TMLHE: variants seen among roughly 807,000 people sequenced by gnomAD.
TMLHE encodes trimethyllysine dioxygenase, mitochondrial.
TMLHE carries 18 observed loss-of-function variants against 25.7 expected under a neutral mutation model. The ratio of observed to expected loss-of-function variants is 0.70; its 90% CI spans 0.48 to 1.04. The LOEUF (loss-of-function observed/expected upper bound fraction) is 1.04. Ranked by LOEUF, TMLHE falls within the 50% of genes least tolerant of loss-of-function variation. TMLHE has a pLI of 0.00. For missense variants in TMLHE, 236 were observed against 259.0 expected, an observed-to-expected ratio of 0.91 and a Z score of 0.61; for synonymous variants, 105 against 97.0, an observed-to-expected ratio of 1.08 and a Z score of -0.49.
intron 1 of TMLHE, among the ~76,000 whole-genome samples, chrX:155,549,339 T>G (rs2067395086): frequency 9.0e-6 from 1 of 110,864 alleles, no homozygotes; most frequent in African/African-American, 3.3e-5. Flanking sequence ...AGTATGTTGT[T>G]AGCCATGTTT....
chrX:155,507,825 T>C (rs1330656312), intron 5 of TMLHE, among the ~76,000 whole-genome samples: 1 of 111,291 alleles, frequency 9.0e-6, no homozygotes, highest in African/African-American at 3.3e-5. Context: ...GAACATGGAC[T>C]GGTGAGAAGC....
chrX:155,550,934 CAAAAG>C (rs2067410868), intron 1 of TMLHE, among the ~76,000 whole-genome samples: 2 of 110,207 alleles, frequency 1.8e-5, no homozygotes, highest in African/African-American at 6.7e-5. Flanking sequence ...TTTTTAACCC[CAAAAG>C]AAAAGAAAAA....
chrX:155,548,535 G>GAGTTCAAGA (rs1491301815), intron 1 of TMLHE, among the ~76,000 whole-genome samples: 8 of 109,143 alleles, frequency 7.3e-5, no homozygotes, highest in African/African-American at 1.0e-4. Flanking sequence ...GCAGTATGAG[G>GAGTTCAAGA]CCAGCCTGAC....
intron 1 of TMLHE, among the ~76,000 whole-genome samples, chrX:155,548,539 G>A (rs372805336): frequency 8.4e-5 from 9 of 107,146 alleles, no homozygotes; most frequent in East Asian, 2.9e-4. Context: ...TATGAGGCCA[G>A]CCTGACTAAC....
intron 1 of TMLHE, among the ~76,000 whole-genome samples, chrX:155,558,963 T>A (rs1293958467): frequency 9.0e-6 from 1 of 111,683 alleles, no homozygotes; most frequent in African/African-American, 3.2e-5. Context: ...TAACTGTAAT[T>A]TTTTAAGTAC....
rs149725475 is a variant in TMLHE, at chrX:155,526,509, G to A, written c.182-1877C>T. 6.7e-4 allele frequency among the ~76,000 whole-genome samples: 75 copies of A among 112,757 alleles called. No homozygotes were observed. In the East Asian group the frequency reaches 0.02, roughly 30 times the overall value. On this transcript the variant is annotated intron_variant, in intron 2 of 7. Transcript: ENST00000334398. ...CTCATGAAGAACCTCTACTAGGGCA[G>A]TGTGGAGGAGAAATGTGGGGTTGGA... is the stretch of plus-strand genomic sequence containing the variant.
At chrX:155,546,208 C>T (rs1335795205) in intron 1 of TMLHE, among the ~76,000 whole-genome samples, 2 of 111,449 alleles carry the variant, frequency 1.8e-5, no homozygotes, top group African/African-American at 6.5e-5. Context: ...ACATATGTAT[C>T]ACTGCTATTA....
intron 1 of TMLHE, among the ~76,000 whole-genome samples, chrX:155,547,821 C>T (rs782649272): frequency 2.6e-4 from 29 of 111,081 alleles, no homozygotes; most frequent in African/African-American, 9.1e-4. Flanking sequence ...TTATTTACCA[C>T]CCCATTCTTT....
chrX:155,515,389 G>C lies in TMLHE; in HGVS notation c.359-1124C>G, dbSNP rs781894669. 5.0e-4 allele frequency among the ~76,000 whole-genome samples: 55 copies of C among 109,322 alleles called. No individual in the cohort carries two copies. The South Asian group carries it at 5.4e-3, about 11-fold the overall frequency. 94.9% of individuals were successfully genotyped at this position (109,322 alleles called of 115,157 possible). A position where few individuals can be genotyped will look rare whatever the true frequency, so the allele number is the denominator to read the frequency against. On this transcript the variant is annotated intron_variant, in intron 3 of 7. Transcript: ENST00000334398. ...TTACCTAACCCATCTGTTATTCTGG[G>C]TATGTACATTTATTTTTAAAAAATT...
At chrX:155,575,030 G>T (rs782111653) in intron 1 of TMLHE, among the ~76,000 whole-genome samples, 4 of 111,928 alleles carry the variant, frequency 3.6e-5, no homozygotes, top group Admixed American at 9.5e-5. Flanking sequence ...CACGAACTGG[G>T]TGGCTTAACC....
rs781937440 is a variant in TMLHE, at chrX:155,510,569, G to A, written c.758+1104C>T. 2.0e-3 allele frequency among the ~76,000 whole-genome samples: 221 copies of A among 109,151 alleles called. 1 individual carries two copies. The highest frequency in any genetic ancestry group is 7.1e-3 in the African/African-American group (213 of 30,130). The allele number at this position is 109,151 out of a possible 115,157, so 94.8% of individuals were successfully genotyped here. ...CCAGCTCCATCCATGTCCCTACAAA[G>A]GACATGAACTCATCATTTTTTATGG... On this transcript the variant is annotated intron_variant, in intron 5 of 7. Coordinates refer to ENST00000334398, the MANE Select transcript of TMLHE (RefSeq NM_018196.4).
intron 5 of TMLHE, among the ~76,000 whole-genome samples, chrX:155,508,649 C>G (rs1057128545): frequency 2.7e-5 from 3 of 110,607 alleles, no homozygotes; most frequent in African/African-American, 9.8e-5. Context: ...AGGAAGAAAA[C>G]TAGGAAAGAA....
chrX:155,587,856 G>C (rs2067673922), intron 1 of TMLHE, among the ~76,000 whole-genome samples: 1 of 111,611 alleles, frequency 9.0e-6, no homozygotes, highest in Non-Finnish European at 1.9e-5. Context: ...TAAGAGAACA[G>C]AACAACTGGA....
intron 2 of TMLHE, among the ~76,000 whole-genome samples, chrX:155,525,161 A>C (rs1203952909): frequency 9.0e-6 from 1 of 111,547 alleles, no homozygotes; most frequent in African/African-American, 3.3e-5. Context: ...TCTCATGTTG[A>C]ATTGTAATCC....
At chrX:155,596,273 T>C (rs1268036864) in intron 1 of TMLHE, among the ~76,000 whole-genome samples, 7 of 112,069 alleles carry the variant, frequency 6.2e-5, no homozygotes, top group African/African-American at 2.3e-4. Context: ...TTGGTGCCAT[T>C]GATGCTTTGT....
Position 155,540,333 on chromosome X carries a change from C to A in TMLHE, c.181+4763G>T, listed in dbSNP as rs2067303506. ...CACATATAAGGGAGCTTCTATTAAA[C>A]TATCAGCTGGTTTCTCAGCAAAACC... is the stretch of plus-strand genomic sequence containing the variant. On this transcript the variant is annotated intron_variant, in intron 2 of 7. Coordinates refer to ENST00000334398, the MANE Select transcript of TMLHE (RefSeq NM_018196.4). Among the ~76,000 whole-genome samples, 3 of 111,076 alleles carry A rather than the reference C, an allele frequency of 2.7e-5. No individual in the cohort carries two copies. In the Admixed American group the frequency reaches 2.9e-4, roughly 11 times the overall value.
At chrX:155,545,321 CT>C (rs782364857) in intron 1 of TMLHE, 44 bp from the exon 2 acceptor site, 2 of 1,028,637 alleles carry the variant, frequency 1.9e-6, no homozygotes, top group Non-Finnish European at 2.6e-6. Context: ...TATACAACAA[CT>C]TTTATGAGGC....
rs1032948404 is a variant in TMLHE, at chrX:155,511,785, T to C, written c.646A>G (p.Ile216Val). 8.8e-5 allele frequency: 102 copies of C among 1,164,822 alleles called. No individual in the cohort carries two copies. The highest frequency in any genetic ancestry group is 1.1e-4 in the Non-Finnish European group (97 of 866,000). The change falls in exon 5 of 8, where the codon ATT (isoleucine) becomes GTT (valine). Residue 216 changes from isoleucine to valine, a missense_variant. Ile to Val is a conservative substitution (Grantham distance 29, BLOSUM62 3). Around this residue, in one of 2 missense-constraint regions of TMLHE, gnomAD observed 217 missense variants for 214.6 expected, o/e 1.01. Coordinates refer to ENST00000334398, the MANE Select transcript of TMLHE (RefSeq NM_018196.4). ...AERISLIRET[I>V]YGRMWYFTSD... Reference sequence around the variant, plus strand: ...GTGAAATACCACATCCTCCCATAAATGGTTTCTCTGTTAGTTGAAATAAAG... The same window carrying C: ...GTGAAATACCACATCCTCCCATAAACGGTTTCTCTGTTAGTTGAAATAAAG...
chrX:155,562,379 G>A lies in TMLHE; in HGVS notation c.-1-17102C>T, dbSNP rs1359438630. 9.1e-5 allele frequency among the ~76,000 whole-genome samples: 5 copies of A among 55,178 alleles called. 1 individual carries two copies. Among genetic ancestry groups the A allele is most frequent in the African/African-American group, 2.1e-4 (5 of 23,870 alleles). The allele number at this position is 55,178 out of a possible 115,157, so 47.9% of individuals were successfully genotyped here. On this transcript the variant is annotated intron_variant, in intron 1 of 7. Transcript: ENST00000334398. ...AGGCTGCACAGAGCAGGGAGGCCCT[G>A]GGCCTGGCCCATGAAACCTTTTTTT... is the stretch of plus-strand genomic sequence containing the variant.
Sources: allele counts gnomAD v4.1 joint callset (sites outside exome capture counted in the v4.1 genomes callset), GRCh38; gene constraint gnomAD v4.1.1; regional missense constraint gnomAD v4.1.1; transcripts MANE v1.5; gene names NCBI Gene and HGNC (gene_info 2026-07-23, HGNC 2026-07-21).